Variants in CSMD1 observed in about 807,000 individuals in gnomAD.
CSMD1 encodes CUB and sushi domain-containing protein 1.
CSMD1 carries 213 observed loss-of-function variants against 417.5 expected under a neutral mutation model. The observed-to-expected ratio is 0.51, with a 90% confidence interval of 0.46 to 0.57. The LOEUF (loss-of-function observed/expected upper bound fraction) is 0.57. CSMD1 is among the 20% of genes least tolerant of loss of function. CSMD1 has a pLI of 0.00. For synonymous variants in CSMD1, 2,862 were observed against 1,736.8 expected (o/e 1.65, Z -16.11); for missense variants, 6,923 against 4,529.7 (o/e 1.53, Z -15.17).
At position 4,137,815 on chromosome 8, in the gene CSMD1, T is replaced by C. The variant is rs982651575; in HGVS notation, c.416-105716A>G. On this transcript the variant is annotated intron_variant, in intron 3 of 69. Coordinates refer to ENST00000635120, the MANE Select transcript of CSMD1 (RefSeq NM_033225.6). ...AATCCAAATTAATTTTCCCCTTACA[T>C]TATGTCAGAAACTCAGTTAGTGTTA... Among the ~76,000 whole-genome samples, 11 of 77,398 alleles carry C rather than the reference T, an allele frequency of 1.4e-4. 1 individual carries two copies. Among genetic ancestry groups the C allele is most frequent in the African/African-American group, 2.4e-4 (8 of 33,930 alleles). 50.8% of individuals were successfully genotyped at this position (77,398 alleles called of 152,430 possible). A position where few individuals can be genotyped will look rare whatever the true frequency, so the allele number is the denominator to read the frequency against.
At chr8:3,962,603 G>A (rs908130977) in intron 5 of CSMD1, among the ~76,000 whole-genome samples, 44 of 152,076 alleles carry the variant, frequency 2.9e-4, no homozygotes, top group African/African-American at 1.0e-3. Context: ...CTATGAAGAG[G>A]AAAGGAGAGG....
At chr8:3,729,560 G>A (rs183013469) in intron 6 of CSMD1, among the ~76,000 whole-genome samples, 3 of 152,120 alleles carry the variant, frequency 2.0e-5, no homozygotes, top group Non-Finnish European at 2.9e-5. Context: ...ATGTCCAGAA[G>A]GTATCGGGTC....
At chr8:3,328,066 C>A (rs571422190) in intron 23 of CSMD1, among the ~76,000 whole-genome samples, 1 of 152,164 alleles carries the variant, frequency 6.6e-6, no homozygotes, top group African/African-American at 2.4e-5. Context: ...TAAAGCCATC[C>A]GCTTTCTGAG....
chr8:4,751,402 C>T (rs553980723), intron 1 of CSMD1, among the ~76,000 whole-genome samples: 36 of 151,464 alleles, frequency 2.4e-4, no homozygotes, highest in Non-Finnish European at 4.9e-4. Context: ...GGGGGGGTGG[C>T]GGGGCAGGAA....
At chr8:4,929,634 C>G (rs1807106197) in intron 1 of CSMD1, among the ~76,000 whole-genome samples, 1 of 152,280 alleles carries the variant, frequency 6.6e-6, no homozygotes, top group Non-Finnish European at 1.5e-5. Context: ...CCATTTTCAT[C>G]TGATTCAATT....
intron 1 of CSMD1, among the ~76,000 whole-genome samples, chr8:4,766,565 C>G (rs1008833189): frequency 6.6e-6 from 1 of 152,160 alleles, no homozygotes; most frequent in Non-Finnish European, 1.5e-5. Context: ...GCTTTCTGCC[C>G]AAATCTTGCC....
At chr8:3,038,373 T>C (rs13250496) in intron 50 of CSMD1, among the ~76,000 whole-genome samples, 28,689 of 152,168 alleles carry the variant, frequency 0.19, 3,320 homozygotes, top group Non-Finnish European at 0.26. Context: ...TTTTGAAAAA[T>C]AGTATGACTG....
At position 3,029,530 on chromosome 8, in the gene CSMD1, C is replaced by T. The variant is rs369593237; in HGVS notation, c.7661-17G>A. On this transcript the variant is annotated splice_polypyrimidine_tract_variant and intron_variant, in intron 50 of 69. Transcript: ENST00000635120. ...AAGCGACCGCTGGAAGGGAAACGTA[C>T]ATCACATCATCATTTTTCTTTTTTG... 7.7e-6 allele frequency: 12 copies of T among 1,564,716 alleles called. No homozygotes were observed. The highest frequency in any genetic ancestry group is 3.8e-5 in the Admixed American group (2 of 52,556).
At chr8:3,969,103 T>C (rs1812893611) in intron 5 of CSMD1, among the ~76,000 whole-genome samples, 1 of 151,950 alleles carries the variant, frequency 6.6e-6, no homozygotes, top group Non-Finnish European at 1.5e-5. Flanking sequence ...ATACAAAAAT[T>C]AGCCAGGCTT....
At chr8:4,450,325 G>GT (rs1003015396) in intron 2 of CSMD1, among the ~76,000 whole-genome samples, 9 of 152,024 alleles carry the variant, frequency 5.9e-5, no homozygotes, top group Non-Finnish European at 7.4e-5. Flanking sequence ...TTTTTTCTTT[G>GT]TTTTTTTAAA....
At chr8:3,866,061 TG>T (rs1326292425) in intron 5 of CSMD1, among the ~76,000 whole-genome samples, 3 of 152,126 alleles carry the variant, frequency 2.0e-5, no homozygotes, top group Non-Finnish European at 1.5e-5. Flanking sequence ...ACAAGTAAAA[TG>T]TCTTTAAAAA....
intron 2 of CSMD1, among the ~76,000 whole-genome samples, chr8:4,439,040 G>C (rs1301085288): frequency 1.3e-5 from 2 of 152,102 alleles, no homozygotes; most frequent in Admixed American, 1.3e-4. Flanking sequence ...ATTCTTTTTA[G>C]TAATCTTAGC....
chr8:3,570,735 T>A (rs1341084576), intron 10 of CSMD1, among the ~76,000 whole-genome samples: 2 of 152,120 alleles, frequency 1.3e-5, no homozygotes, highest in East Asian at 1.9e-4. Flanking sequence ...CCTATGGAGG[T>A]AGAAAATAAC....
chr8:4,787,446 C>G, intron 1 of CSMD1: 1 of 768,220 alleles, frequency 1.3e-6, no homozygotes, highest in Non-Finnish European at 2.3e-6. Context: ...GGAAATGTAG[C>G]TAGAAAGAAT....
chr8:4,246,722 G>A (rs1439297002), intron 3 of CSMD1, among the ~76,000 whole-genome samples: 1 of 151,972 alleles, frequency 6.6e-6, no homozygotes, highest in Admixed American at 6.6e-5. Context: ...TTTATCATTG[G>A]AATAATGATT....
At chr8:4,088,407 C>G (rs1023191917) in intron 3 of CSMD1, among the ~76,000 whole-genome samples, 3 of 152,212 alleles carry the variant, frequency 2.0e-5, no homozygotes, top group African/African-American at 7.2e-5. Flanking sequence ...CACCTTTTCT[C>G]AGGTTTCCTC....
At chr8:3,773,894 A>G (rs1443906554) in intron 5 of CSMD1, among the ~76,000 whole-genome samples, 1 of 152,156 alleles carries the variant, frequency 6.6e-6, no homozygotes, top group Non-Finnish European at 1.5e-5. Context: ...ATGCAAACCA[A>G]TAAACAAACT....
At chr8:4,972,380 C>A (rs1291770103) in intron 1 of CSMD1, among the ~76,000 whole-genome samples, 1 of 152,004 alleles carries the variant, frequency 6.6e-6, no homozygotes, top group East Asian at 1.9e-4. Flanking sequence ...GGGAGCAGTT[C>A]CCCCCATGCT....
intron 4 of CSMD1, among the ~76,000 whole-genome samples, chr8:4,020,829 G>C (rs974024539): frequency 1.3e-5 from 2 of 152,196 alleles, no homozygotes; most frequent in African/African-American, 2.4e-5. Flanking sequence ...TCAAGAGTTA[G>C]CTCACTCTTA....
Sources: allele counts gnomAD v4.1 joint callset (sites outside exome capture counted in the v4.1 genomes callset), GRCh38; gene constraint gnomAD v4.1.1; transcripts MANE v1.5; gene names NCBI Gene and HGNC (gene_info 2026-07-23, HGNC 2026-07-21).